Variants in POLDIP3 observed in about 807,000 individuals in gnomAD.
POLDIP3 encodes DNA polymerase delta interacting protein 3, also known as polymerase delta-interacting protein 3.
Under a neutral mutation model 45.1 loss-of-function variants are expected in POLDIP3, and 14 were observed. The observed-to-expected ratio is 0.31, with a 90% CI of 0.20 to 0.49. POLDIP3 has a LOEUF of 0.49. Among genes scored for constraint, POLDIP3 ranks in the 20% least tolerant of loss-of-function variants. The pLI is 0.99. For synonymous variants in POLDIP3, 223 were observed against 205.2 expected (o/e 1.09, Z -0.74); for missense variants, 511 against 538.8 (o/e 0.95, Z 0.51).
At chr22:42,609,232 A>C (rs1227372858) in intron 1 of POLDIP3, among the ~76,000 whole-genome samples, 1 of 152,176 alleles carries the variant, frequency 6.6e-6, no homozygotes, top group East Asian at 1.9e-4. Context: ...CACATCCTGC[A>C]CTTTTATCCT....
At chr22:42,600,808 A>G (rs1186900461) in intron 3 of POLDIP3, among the ~76,000 whole-genome samples, 2 of 152,166 alleles carry the variant, frequency 1.3e-5, no homozygotes, top group Non-Finnish European at 2.9e-5. Flanking sequence ...CGTCTCTACT[A>G]AAAATACAAA....
At chr22:42,607,972 G>T (rs911395725) in intron 1 of POLDIP3, among the ~76,000 whole-genome samples, 3 of 150,962 alleles carry the variant, frequency 2.0e-5, no homozygotes, top group South Asian at 2.1e-4. Flanking sequence ...CGCCCTGTTC[G>T]GGAGGTGGGG....
At chr22:42,595,465 G>T in intron 6 of POLDIP3, 72 bp downstream of exon 6, 1 of 1,364,572 alleles carries the variant, frequency 7.3e-7, no homozygotes, top group Non-Finnish European at 1.0e-6. Context: ...TCAAACCTGA[G>T]GGTGGGTCTT....
intron 6 of POLDIP3, among the ~76,000 whole-genome samples, chr22:42,595,320 G>A (rs1402229391): frequency 6.6e-6 from 1 of 152,232 alleles, no homozygotes; most frequent in Admixed American, 6.5e-5. Context: ...ACTCTGCTGG[G>A]AGGGGCCTCT....
intron 2 of POLDIP3, 68 bp downstream of exon 2, chr22:42,602,702 G>T: frequency 4.0e-6 from 6 of 1,512,206 alleles, no homozygotes; most frequent in Non-Finnish European, 5.3e-6. Context: ...GTCACTCCTG[G>T]CACCTTGCCT....
At chr22:42,589,049 T>G (rs1925500719) in intron 7 of POLDIP3, among the ~76,000 whole-genome samples, 1 of 152,148 alleles carries the variant, frequency 6.6e-6, no homozygotes, top group African/African-American at 2.4e-5. Flanking sequence ...GACAGCAGCC[T>G]GGCCAACATG....
At chr22:42,597,317 G>A (rs1926054346) in intron 4 of POLDIP3, among the ~76,000 whole-genome samples, 2 of 152,254 alleles carry the variant, frequency 1.3e-5, no homozygotes, top group South Asian at 4.1e-4. Context: ...AGCGGCCAGA[G>A]AGGCACATCA....
intron 1 of POLDIP3, among the ~76,000 whole-genome samples, chr22:42,608,625 ACT>A (rs1460721445): frequency 6.6e-6 from 1 of 152,042 alleles, no homozygotes; most frequent in Non-Finnish European, 1.5e-5. Context: ...GATACGGAGC[ACT>A]CTCTAGCGAC....
intron 1 of POLDIP3, among the ~76,000 whole-genome samples, chr22:42,607,984 G>A (rs1926866921): frequency 6.6e-6 from 1 of 151,410 alleles, no homozygotes; most frequent in African/African-American, 2.4e-5. Flanking sequence ...GAGGTGGGGG[G>A]CGCCTCCACC....
rs1246569628 is a variant in POLDIP3 at position 42,584,024 on chromosome 22, C to T, written c.*1767G>A. The T allele has an allele frequency of 1.3e-5, 2 of 152,404 alleles. No individual in the cohort carries two copies. Among genetic ancestry groups the T allele is most frequent in the Non-Finnish European group, 2.9e-5 (2 of 68,070 alleles). The allele number at this position is 152,404 out of a possible 1,614,324, so 9.4% of individuals were successfully genotyped here. ...GAAACTCTGTGACAACCAGAAGATA[C>T]CTGCTTTGGGATGAGAGGGAGGATA... On this transcript the variant is annotated 3_prime_UTR_variant, in exon 9 of 9. Coordinates refer to ENST00000252115, the MANE Select transcript of POLDIP3 (RefSeq NM_032311.5).
chr22:42,603,860 C>T (rs1406521493), intron 1 of POLDIP3, among the ~76,000 whole-genome samples: 1 of 152,210 alleles, frequency 6.6e-6, no homozygotes, highest in African/African-American at 2.4e-5. Context: ...AATGGGTACA[C>T]TAGAAACCTA....
intron 2 of POLDIP3, among the ~76,000 whole-genome samples, chr22:42,602,426 G>A (rs1045346055): frequency 6.6e-6 from 1 of 152,212 alleles, no homozygotes; most frequent in Non-Finnish European, 1.5e-5. Context: ...TGGGGGTGGA[G>A]TGAGGACTGT....
At chr22:42,592,455 T>A (rs535515906) in intron 6 of POLDIP3, among the ~76,000 whole-genome samples, 1 of 152,372 alleles carries the variant, frequency 6.6e-6, no homozygotes, top group South Asian at 2.1e-4. Flanking sequence ...ATATGTCACC[T>A]GAGAATCTGT....
At chr22:42,599,438 T>C (rs1926205978) in intron 4 of POLDIP3, among the ~76,000 whole-genome samples, 1 of 152,180 alleles carries the variant, frequency 6.6e-6, no homozygotes, top group Non-Finnish European at 1.5e-5. Context: ...ACCTCATCTC[T>C]ACTAAAAATA....
At chr22:42,613,065 C>G (rs943109651) in intron 1 of POLDIP3, among the ~76,000 whole-genome samples, 12 of 152,144 alleles carry the variant, frequency 7.9e-5, no homozygotes, top group African/African-American at 2.7e-4. Context: ...ACACTAAAAC[C>G]AAAAACATAG....
chr22:42,600,046 T>C (rs1437758537), intron 3 of POLDIP3, among the ~76,000 whole-genome samples: 2 of 152,188 alleles, frequency 1.3e-5, no homozygotes, highest in African/African-American at 4.8e-5. Context: ...GGGCAGTATG[T>C]ACCAAGAGTC....
intron 4 of POLDIP3, among the ~76,000 whole-genome samples, 167 bp downstream of exon 4, chr22:42,599,531 G>C (rs1172584855): frequency 6.6e-6 from 1 of 152,208 alleles, no homozygotes; most frequent in East Asian, 1.9e-4. Context: ...TTGAACCCAG[G>C]AGACGGAGGT....
At chr22:42,593,101 C>T (rs960788613) in intron 6 of POLDIP3, among the ~76,000 whole-genome samples, 2 of 152,214 alleles carry the variant, frequency 1.3e-5, no homozygotes, top group African/African-American at 4.8e-5. Context: ...GCACATCATC[C>T]ACTATACTTT....
intron 6 of POLDIP3, among the ~76,000 whole-genome samples, chr22:42,593,347 A>G (rs1925785247): frequency 6.6e-6 from 1 of 152,100 alleles, no homozygotes; most frequent in Admixed American, 6.6e-5. Context: ...AACATTGCCT[A>G]TTTGGGTAGA....
Sources: gnomAD v4.1 joint callset for allele counts (sites outside exome capture counted in the v4.1 genomes callset) on GRCh38, gnomAD v4.1.1 for gene constraint, MANE v1.5 for transcripts, NCBI Gene and HGNC (gene_info 2026-07-23, HGNC 2026-07-21) for gene names.